The following NUDT9 variants were observed in gnomAD, a reference collection of about 807,000 sequenced individuals.
The protein encoded by NUDT9 is nudix hydrolase 9.
Under a neutral mutation model 41.0 loss-of-function variants are expected in NUDT9, and 31 were observed. That is an observed-to-expected ratio of 0.76 (90% CI 0.57 to 1.02). The LOEUF (loss-of-function observed/expected upper bound fraction) is 1.02, where lower values mean the gene tolerates loss of function less well. Among genes scored for constraint, NUDT9 ranks in the 50% least tolerant of loss-of-function variants. The probability of loss-of-function intolerance (pLI) is 0.00; values close to 1 mark genes in which losing one functional copy is unlikely to be tolerated. For missense variants in NUDT9, 380 were observed against 431.4 expected, an observed-to-expected ratio of 0.88 and a Z score of 1.06; for synonymous variants, 146 against 147.6, an observed-to-expected ratio of 0.99 and a Z score of 0.08.
chr4:87,427,509 C>T (rs180820985), intron 1 of NUDT9, among the ~76,000 whole-genome samples: 63 of 152,256 alleles, frequency 4.1e-4, no homozygotes, highest in Admixed American at 3.9e-4. Flanking sequence ...ATATAGATAG[C>T]AGTGTTAGCA....
At position 87,438,360 on chromosome 4, in the gene NUDT9, A is replaced by G; in HGVS notation, c.431A>G (p.Asn144Ser). Residue 144 changes from asparagine to serine, a missense_variant, in exon 3 of 8, where the codon AAT becomes AGT. Coordinates refer to ENST00000302174, the MANE Select transcript of NUDT9 (RefSeq NM_024047.5). ...KSKNGLYEIE[N>S]GRPRNPAGRT... ...AAGAATGGCCTGTATGAGATTGAAA[A>G]TGGAAGACCGAGGTAGGTACTGGGA... 2 of 1,598,378 alleles carry G rather than the reference A, an allele frequency of 1.3e-6. No individual in the cohort carries two copies. Among genetic ancestry groups the G allele is most frequent in the Middle Eastern group, 3.3e-4 (2 of 6,022 alleles).
chr4:87,422,709 G>A lies in NUDT9; in HGVS notation c.-197G>A. On this transcript the variant is annotated 5_prime_UTR_variant, in exon 1 of 8. It adds an upstream start codon to the 5' untranslated region. Coordinates refer to ENST00000302174, the MANE Select transcript of NUDT9 (RefSeq NM_024047.5). The stretch of plus-strand genomic sequence containing the variant: ...TTTTCTCGATGCACTGGGGAAAGCG[G>A]TGGACTCTTATCGTGGGAGGGCTCT... 1 of 457,788 alleles carries A rather than the reference G, an allele frequency of 2.2e-6. No individual in the cohort carries two copies. The highest frequency in any genetic ancestry group is 3.5e-5 in the East Asian group (1 of 28,174). 28.4% of individuals were successfully genotyped at this position (457,788 alleles called of 1,614,324 possible). A position where few individuals can be genotyped will look rare whatever the true frequency, so the allele number is the denominator to read the frequency against.
chr4:87,457,936 G>T lies in NUDT9; in HGVS notation c.968G>T (p.Ser323Ile). ...AATGATAAACTGAAGCTTTATGCCAGTCACTCTCAATTCATCAAACTTGTG... is the reference window on the plus strand; with the variant it reads ...AATGATAAACTGAAGCTTTATGCCATTCACTCTCAATTCATCAAACTTGTG... The part of the protein sequence containing the change: ...DINDKLKLYA[S>I]HSQFIKLVAE... The change falls in exon 8 of 8, where the codon AGT (serine) becomes ATT (isoleucine). Residue 323 changes from serine (S) to isoleucine (I), a missense_variant. By Grantham distance (142) the Ser-to-Ile change is moderately radical. Transcript: ENST00000302174. 6.2e-7 allele frequency: 1 copy of T among 1,602,738 alleles called. No individual in the cohort carries two copies. Among genetic ancestry groups the T allele is most frequent in the Non-Finnish European group, 8.5e-7 (1 of 1,176,352 alleles).
rs964121179 is a variant in NUDT9, at chr4:87,459,270, C to G, written c.*1249C>G. The G allele has an allele frequency of 6.6e-6, 1 of 152,148 alleles. No individual in the cohort carries two copies. The allele number at this position is 152,148 out of a possible 1,614,324, so 9.4% of individuals were successfully genotyped here. ...CACATGGACATGGGAACAACACATT[C>G]TGGGGTCTATTGGAGGGTGGGAGGA... On this transcript the variant is annotated 3_prime_UTR_variant, in exon 8 of 8. Transcript: ENST00000302174.
At chr4:87,446,209 A>T (rs1199715408) in intron 4 of NUDT9, among the ~76,000 whole-genome samples, 1 of 144,500 alleles carries the variant, frequency 6.9e-6, no homozygotes, top group Non-Finnish European at 1.5e-5. Context: ...GTAAATGTTT[A>T]TGAGTGAACA....
rs1722612389 is a variant in NUDT9, at chr4:87,449,391, C to T, written c.642+138C>T. On this transcript the variant is annotated intron_variant, in intron 5 of 7. Transcript: ENST00000302174. ...ATTTAGTAATTCTTATGTTTTTCAT[C>T]CCTGCATGAAGTGTCATTGTCAGCA... is the stretch of plus-strand genomic sequence containing the variant. 8 of 589,190 alleles carry T rather than the reference C, an allele frequency of 1.4e-5. 1 individual carries two copies. In the Admixed American group the frequency reaches 1.7e-4, roughly 13 times the overall value. 36.5% of individuals were successfully genotyped at this position (589,190 alleles called of 1,614,324 possible). A position where few individuals can be genotyped will look rare whatever the true frequency, so the allele number is the denominator to read the frequency against.
At chr4:87,430,968 T>G (rs898417614) in intron 1 of NUDT9, among the ~76,000 whole-genome samples, 2 of 152,228 alleles carry the variant, frequency 1.3e-5, no homozygotes, top group African/African-American at 4.8e-5. Flanking sequence ...CAATTTTTTC[T>G]CTTGTTGCTT....
chr4:87,458,574 T>A lies in NUDT9; in HGVS notation c.*553T>A, dbSNP rs923726745. ...AAAATGGAAACTATGTTTTCTTGAC[T>A]TTAGAAGCATTAGTTTTAAGAGGAA... On this transcript the variant is annotated 3_prime_UTR_variant, in exon 8 of 8. Transcript: ENST00000302174. 1.3e-5 allele frequency: 2 copies of A among 152,214 alleles called. No individual in the cohort carries two copies. Among genetic ancestry groups the A allele is most frequent in the Non-Finnish European group, 2.9e-5 (2 of 68,038 alleles). The allele number at this position is 152,214 out of a possible 1,614,324, so 9.4% of individuals were successfully genotyped here.
At chr4:87,432,294 T>C (rs983369798) in intron 1 of NUDT9, among the ~76,000 whole-genome samples, 4 of 152,204 alleles carry the variant, frequency 2.6e-5, no homozygotes, top group African/African-American at 7.2e-5. Flanking sequence ...GGAGATACTT[T>C]TATACAGTAT....
intron 1 of NUDT9, among the ~76,000 whole-genome samples, chr4:87,433,288 T>C (rs75459475): frequency 6.6e-6 from 1 of 152,206 alleles, no homozygotes; most frequent in Non-Finnish European, 1.5e-5. Context: ...CTAATTGTCA[T>C]GTCTTTTTAG....
chr4:87,452,345 A>G (rs1578080208), intron 6 of NUDT9, among the ~76,000 whole-genome samples: 1 of 152,128 alleles, frequency 6.6e-6, no homozygotes, highest in South Asian at 2.1e-4. Context: ...TCCAACAGAA[A>G]GCTTTTTGTA....
At chr4:87,437,633 T>C (rs930366693) in intron 2 of NUDT9, among the ~76,000 whole-genome samples, 4 of 152,150 alleles carry the variant, frequency 2.6e-5, no homozygotes, top group South Asian at 4.1e-4. Context: ...TGAGCCACCA[T>C]GCCTGGCTGT....
intron 1 of NUDT9, among the ~76,000 whole-genome samples, chr4:87,434,678 G>A (rs1455478227): frequency 6.6e-6 from 1 of 151,416 alleles, no homozygotes; most frequent in Admixed American, 6.6e-5. Context: ...TGTTGCCCAG[G>A]TTGGAGTGCA....
At chr4:87,432,703 T>C (rs527826612) in intron 1 of NUDT9, among the ~76,000 whole-genome samples, 1 of 152,282 alleles carries the variant, frequency 6.6e-6, no homozygotes, top group South Asian at 2.1e-4. Context: ...TGTTGAATAT[T>C]CTTAAATCGT....
chr4:87,450,422 C>T (rs563204843), intron 5 of NUDT9, among the ~76,000 whole-genome samples: 1 of 147,502 alleles, frequency 6.8e-6, no homozygotes, highest in Non-Finnish European at 1.5e-5. Context: ...ACTCTGTTGC[C>T]CGGCTGGAGT....
chr4:87,437,426 C>T (rs1403332740), intron 2 of NUDT9, among the ~76,000 whole-genome samples: 5 of 151,988 alleles, frequency 3.3e-5, no homozygotes, highest in Non-Finnish European at 7.4e-5. Context: ...CTGGAAGCTC[C>T]ACCTCCTGGG....
chr4:87,422,817 G>A lies in NUDT9; in HGVS notation c.-89G>A. On this transcript the variant is annotated 5_prime_UTR_variant, in exon 1 of 8. Coordinates refer to ENST00000302174, the MANE Select transcript of NUDT9 (RefSeq NM_024047.5). Reference sequence around the variant, plus strand: ...AGGTCCTAGTGCCCATCAGATACCCGCGGCCGGGACTCGGAGCTGTGGGGT... The same window carrying A: ...AGGTCCTAGTGCCCATCAGATACCCACGGCCGGGACTCGGAGCTGTGGGGT... 1 of 958,014 alleles carries A rather than the reference G, an allele frequency of 1.0e-6. No individual in the cohort carries two copies. Among genetic ancestry groups the A allele is most frequent in the African/African-American group, 1.7e-5 (1 of 59,998 alleles). 59.3% of individuals were successfully genotyped at this position (958,014 alleles called of 1,614,324 possible).
At chr4:87,443,082 G>A (rs1039210269) in intron 4 of NUDT9, among the ~76,000 whole-genome samples, 76 of 152,258 alleles carry the variant, frequency 5.0e-4, no homozygotes, top group African/African-American at 1.6e-3. Flanking sequence ...GTTTGTTTAC[G>A]TCAGCATCAC....
chr4:87,454,604 G>T, intron 7 of NUDT9, 149 bp downstream of exon 7: 1 of 538,030 alleles, frequency 1.9e-6, no homozygotes. Context: ...CAAAATTGTT[G>T]GTATTAAAGG....
Sources: allele counts gnomAD v4.1 joint callset (sites outside exome capture counted in the v4.1 genomes callset), GRCh38; gene constraint gnomAD v4.1.1; transcripts MANE v1.5; gene names NCBI Gene and HGNC (gene_info 2026-07-23, HGNC 2026-07-21).